Variants in PSD3 observed in about 807,000 individuals in gnomAD.
PSD3 encodes the protein PH and SEC7 domain-containing protein 3.
A neutral mutation model predicts 105.5 loss-of-function variants in PSD3; 49 were observed. The ratio of observed to expected loss-of-function variants is 0.46; its 90% CI spans 0.37 to 0.59. The LOEUF (loss-of-function observed/expected upper bound fraction) is 0.59, where lower values mean the gene tolerates loss of function less well. PSD3 is among the 20% of genes least tolerant of loss of function. The probability of loss-of-function intolerance (pLI) is 0.00; values close to 1 mark genes in which losing one functional copy is unlikely to be tolerated. For missense variants in PSD3, 1,561 were observed against 1,263.8 expected, an observed-to-expected ratio of 1.24 and a Z score of -3.57; for synonymous variants, 557 against 457.8, an observed-to-expected ratio of 1.22 and a Z score of -2.77.
chr8:18,916,339 TATATATATATACACACACAC>T (rs1820596826), intron 2 of PSD3, among the ~76,000 whole-genome samples: 1 of 45,492 alleles, frequency 2.2e-5, no homozygotes, highest in Non-Finnish European at 3.9e-5. Flanking sequence ...TATATATATA[TATATATATATACACACACAC>T]ACACACACAC....
chr8:18,714,474 C>T (rs145368057), intron 9 of PSD3, among the ~76,000 whole-genome samples: 1,586 of 148,664 alleles, frequency 0.011, 24 homozygotes, highest in African/African-American at 0.035. Flanking sequence ...AGGCAAAGGA[C>T]ATGAACAGAT....
chr8:19,057,112 C>A (rs1360941445), intron 1 of PSD3, among the ~76,000 whole-genome samples: 1 of 152,172 alleles, frequency 6.6e-6, no homozygotes, highest in African/African-American at 2.4e-5. Flanking sequence ...CCTGCATCAA[C>A]AGCACATACT....
intron 2 of PSD3, among the ~76,000 whole-genome samples, chr8:18,900,009 C>T (rs771884233): frequency 5.3e-5 from 8 of 151,806 alleles, no homozygotes; most frequent in Non-Finnish European, 1.0e-4. Context: ...TTTTTTTCTA[C>T]AAGAAAAAAA....
intron 4 of PSD3, among the ~76,000 whole-genome samples, chr8:18,859,353 G>T (rs536794324): frequency 3.3e-5 from 5 of 151,914 alleles, no homozygotes; most frequent in African/African-American, 1.2e-4. Flanking sequence ...CACAGGCAGA[G>T]TAGATTTAAG....
At chr8:18,571,466 C>G (rs1802135148) in intron 14 of PSD3, among the ~76,000 whole-genome samples, 1 of 152,156 alleles carries the variant, frequency 6.6e-6, no homozygotes, top group Admixed American at 6.5e-5. Flanking sequence ...ACCTCCAAGG[C>G]CAGGCTAGAT....
intron 14 of PSD3, among the ~76,000 whole-genome samples, chr8:18,565,459 G>A (rs1359780243): frequency 6.6e-6 from 1 of 152,142 alleles, no homozygotes; most frequent in Non-Finnish European, 1.5e-5. Context: ...CGCTGCACTG[G>A]CAATAATCAA....
At chr8:18,764,508 G>A (rs532081276) in intron 9 of PSD3, among the ~76,000 whole-genome samples, 35 of 151,914 alleles carry the variant, frequency 2.3e-4, no homozygotes, top group Non-Finnish European at 4.1e-4. Context: ...TAAGAATGTC[G>A]TAATACCACA....
chr8:18,633,856 G>C (rs1022013574), intron 10 of PSD3, among the ~76,000 whole-genome samples: 1 of 152,182 alleles, frequency 6.6e-6, no homozygotes, highest in South Asian at 2.1e-4. Flanking sequence ...TTCCACAGTA[G>C]CTGAACTAAC....
intron 8 of PSD3, among the ~76,000 whole-genome samples, chr8:18,769,457 C>T (rs945945197): frequency 5.3e-5 from 8 of 152,124 alleles, no homozygotes; most frequent in African/African-American, 1.9e-4. Context: ...ATAGCATCAA[C>T]TACTATAACT....
At chr8:18,968,599 A>G (rs915936638) in intron 1 of PSD3, among the ~76,000 whole-genome samples, 2 of 152,186 alleles carry the variant, frequency 1.3e-5, no homozygotes, top group African/African-American at 4.8e-5. Context: ...GGCCTGGGCC[A>G]GGTGTGGTGG....
intron 4 of PSD3, among the ~76,000 whole-genome samples, chr8:18,834,312 G>C (rs1813916820): frequency 6.6e-6 from 1 of 152,162 alleles, no homozygotes; most frequent in South Asian, 2.1e-4. Flanking sequence ...TAAATGGATA[G>C]AAAAACACCC....
chr8:18,741,861 T>G (rs1357221460), intron 9 of PSD3, among the ~76,000 whole-genome samples: 1 of 148,268 alleles, frequency 6.7e-6, no homozygotes, highest in Non-Finnish European at 1.5e-5. Context: ...TAGTGACTGT[T>G]GCAAACAGAA....
intron 8 of PSD3, chr8:18,775,025 C>G (rs898133363): frequency 6.6e-6 from 3 of 454,052 alleles, no homozygotes; most frequent in Non-Finnish European, 1.3e-5. Context: ...CCTCCTCCTC[C>G]TACCTTCTGG....
At chr8:18,970,684 G>T (rs1354397587) in intron 1 of PSD3, among the ~76,000 whole-genome samples, 2 of 152,108 alleles carry the variant, frequency 1.3e-5, no homozygotes, top group African/African-American at 4.8e-5. Flanking sequence ...TCTGGATGCG[G>T]TGGTTCGTGC....
At chr8:18,554,877 A>T (rs1432599847) in intron 15 of PSD3, among the ~76,000 whole-genome samples, 1 of 152,194 alleles carries the variant, frequency 6.6e-6, no homozygotes, top group Non-Finnish European at 1.5e-5. Context: ...TCAGAAATGA[A>T]GATGATGGGA....
chr8:18,651,782 A>G (rs1808499239), intron 10 of PSD3, among the ~76,000 whole-genome samples: 1 of 152,218 alleles, frequency 6.6e-6, no homozygotes, highest in Admixed American at 6.5e-5. Context: ...GAAGGATGAT[A>G]GGCTTTGAAC....
At position 18,532,127 on chromosome 8, in the gene PSD3, G is replaced by A. The variant is rs1301313960; in HGVS notation, c.*3616C>T. ...TGTCAATGATTAGTTAAAAAGAAAA[G>A]AGTGCAGCTCATGACAAGCAGGCCC... On this transcript the variant is annotated 3_prime_UTR_variant, in exon 16 of 16. Coordinates refer to ENST00000327040, the MANE Select transcript of PSD3 (RefSeq NM_015310.4). The A allele has an allele frequency of 6.6e-6, 1 of 152,198 alleles. No homozygotes were observed. The highest frequency in any genetic ancestry group is 2.4e-5 in the African/African-American group (1 of 41,460). 9.4% of individuals were successfully genotyped at this position (152,198 alleles called of 1,614,324 possible).
chr8:18,610,747 C>G (rs1480892478), intron 11 of PSD3, among the ~76,000 whole-genome samples: 1 of 152,206 alleles, frequency 6.6e-6, no homozygotes, highest in East Asian at 1.9e-4. Context: ...AAAGTGTTCC[C>G]TAGTGGGGTG....
intron 2 of PSD3, among the ~76,000 whole-genome samples, chr8:18,904,208 T>A (rs1004816490): frequency 5.3e-5 from 8 of 152,038 alleles, no homozygotes; most frequent in African/African-American, 1.9e-4. Context: ...GCTAGGCTCT[T>A]TTAAACAACT....
Sources: gnomAD v4.1 joint callset for allele counts (sites outside exome capture counted in the v4.1 genomes callset) on GRCh38, gnomAD v4.1.1 for gene constraint, MANE v1.5 for transcripts, NCBI Gene and HGNC (gene_info 2026-07-23, HGNC 2026-07-21) for gene names.